PAPOLG: variants seen among roughly 807,000 people sequenced by gnomAD.
PAPOLG encodes the protein poly(A) polymerase gamma, also known as PAP-gamma.
A neutral mutation model predicts 99.0 loss-of-function variants in PAPOLG; 40 were observed. The observed-to-expected ratio is 0.40, with a 90% CI of 0.31 to 0.53. The LOEUF is 0.53. Among genes scored for constraint, PAPOLG ranks in the 20% least tolerant of loss-of-function variants. The pLI is 0.41. For synonymous variants in PAPOLG, 310 were observed against 299.3 expected (o/e 1.04, Z -0.37); for missense variants, 675 against 884.1 (o/e 0.76, Z 3.00).
chr2:60,799,459 A>C lies in PAPOLG; in HGVS notation c.*2299A>C, dbSNP rs11688044. 0.11 allele frequency: 16,911 copies of C among 152,372 alleles called. 911 individuals carry two copies. Among genetic ancestry groups the C allele is most frequent in the Middle Eastern group, 0.14 (42 of 294 alleles). The allele number at this position is 152,372 out of a possible 1,614,324, so 9.4% of individuals were successfully genotyped here. A position where few individuals can be genotyped will look rare whatever the true frequency, so the allele number is the denominator to read the frequency against. ...AGATGGTGGGGTTTGTCAGAAATAAAATATTTTCTATCCTGACCAGTAGGT... is the reference window on the plus strand; with the variant it reads ...AGATGGTGGGGTTTGTCAGAAATAACATATTTTCTATCCTGACCAGTAGGT... On this transcript the variant is annotated 3_prime_UTR_variant, in exon 22 of 22. Transcript: ENST00000238714.
rs187436496 is a variant in PAPOLG, at chr2:60,792,162, G to A, written c.1552G>A (p.Gly518Arg). The A allele has an allele frequency of 2.0e-5, 32 of 1,593,514 alleles. No homozygotes were observed. The highest frequency in any genetic ancestry group is 4.5e-5 in the East Asian group (2 of 44,788). Reference protein sequence around the residue: ...SLSDVNRSSGGLQSKRLSLDS... With the variant: ...SLSDVNRSSGRLQSKRLSLDS... Reference sequence around the variant, plus strand: ...CTCTGATGTCAATCGAAGCTCGGGCGGACTTCAATCCAAAAGATTGTCTCT... The same window carrying A: ...CTCTGATGTCAATCGAAGCTCGGGCAGACTTCAATCCAAAAGATTGTCTCT... Residue 518 changes from glycine (G) to arginine (R), a missense_variant, in exon 17 of 22, where the codon GGA becomes AGA. Coordinates refer to ENST00000238714, the MANE Select transcript of PAPOLG (RefSeq NM_022894.4).
At chr2:60,769,020 T>TCATCACTTATTA in intron 5 of PAPOLG, 130 bp downstream of exon 5, 1 of 699,790 alleles carries the variant, frequency 1.4e-6, no homozygotes, top group Non-Finnish European at 2.3e-6. Context: ...GTAGCTTTAA[T>TCATCACTTATTA]AAGTGATGAT....
At chr2:60,762,442 A>T (rs1670546928) in intron 3 of PAPOLG, among the ~76,000 whole-genome samples, 1 of 152,040 alleles carries the variant, frequency 6.6e-6, no homozygotes, top group Admixed American at 6.6e-5. Flanking sequence ...GGGACCTCCA[A>T]AGATACTAAA....
Position 60,768,769 on chromosome 2 carries a change from T to G in PAPOLG, c.329-12T>G, listed in dbSNP as rs759211898. The G allele has an allele frequency of 2.6e-6, 4 of 1,534,102 alleles. No individual in the cohort carries two copies. In the South Asian group the frequency reaches 3.7e-5, roughly 14 times the overall value. On this transcript the variant is annotated splice_polypyrimidine_tract_variant and intron_variant, in intron 4 of 21. Coordinates refer to ENST00000238714, the MANE Select transcript of PAPOLG (RefSeq NM_022894.4). ...TAATATATTCTTAATTAAGAACTACTTTAATTTACAGGAGCTGACATTGAT... is the reference window on the plus strand; with the variant it reads ...TAATATATTCTTAATTAAGAACTACGTTAATTTACAGGAGCTGACATTGAT...
chr2:60,756,321 T>A lies in PAPOLG; in HGVS notation c.-158T>A. On this transcript the variant is annotated 5_prime_UTR_variant, in exon 1 of 22. Transcript: ENST00000238714. ...AAATAGAGCCGGTTTTGTGGTGTTT[T>A]CACTACTCGGTTGGATGCCTCAGCC... is the stretch of plus-strand genomic sequence containing the variant. 1 of 864,712 alleles carries A rather than the reference T, an allele frequency of 1.2e-6. No homozygotes were observed. The highest frequency in any genetic ancestry group is 1.4e-5 in the South Asian group (1 of 69,796). 53.6% of individuals were successfully genotyped at this position (864,712 alleles called of 1,614,324 possible).
At position 60,798,683 on chromosome 2, in the gene PAPOLG, G is replaced by T. The variant is rs1354979201; in HGVS notation, c.*1523G>T. ...TCGTGTATTATAGGACTCACGGGAT[G>T]CCATCTAGCAAGTGGAGAAATAGCA... On this transcript the variant is annotated 3_prime_UTR_variant, in exon 22 of 22. Coordinates refer to ENST00000238714, the MANE Select transcript of PAPOLG (RefSeq NM_022894.4). 6.6e-6 allele frequency: 1 copy of T among 152,294 alleles called. No individual in the cohort carries two copies. Among genetic ancestry groups the T allele is most frequent in the East Asian group, 1.9e-4 (1 of 5,334 alleles). 9.4% of individuals were successfully genotyped at this position (152,294 alleles called of 1,614,324 possible). A position where few individuals can be genotyped will look rare whatever the true frequency, so the allele number is the denominator to read the frequency against.
At chr2:60,792,357 T>C (rs762877532) in intron 17 of PAPOLG, 68 bp downstream of exon 17, 6 of 1,364,432 alleles carry the variant, frequency 4.4e-6, no homozygotes, top group Non-Finnish European at 6.1e-6. Flanking sequence ...ATGTGAACTT[T>C]TCTATACCTC....
At chr2:60,778,561 T>C (rs1310903261) in intron 8 of PAPOLG, among the ~76,000 whole-genome samples, 1 of 152,124 alleles carries the variant, frequency 6.6e-6, no homozygotes, top group African/African-American at 2.4e-5. Flanking sequence ...ACTCTCAGTA[T>C]ACTAAAAAAC....
chr2:60,772,079 C>G (rs1306796109), intron 7 of PAPOLG, among the ~76,000 whole-genome samples: 1 of 150,692 alleles, frequency 6.6e-6, no homozygotes, highest in East Asian at 1.9e-4. Flanking sequence ...AATATTAGGC[C>G]TGATAGAAGA....
chr2:60,757,343 A>G (rs72805391), intron 1 of PAPOLG, among the ~76,000 whole-genome samples: 24 of 152,294 alleles, frequency 1.6e-4, no homozygotes, highest in Non-Finnish European at 2.9e-4. Flanking sequence ...GGTCCCAATC[A>G]TCTCTTGCTC....
At chr2:60,795,410 T>A in intron 21 of PAPOLG, 1 of 392,202 alleles carries the variant, frequency 2.5e-6, no homozygotes, top group Non-Finnish European at 5.0e-6. Flanking sequence ...TGTATTAATA[T>A]TTTAGAGGAA....
rs919369399 is a variant in PAPOLG at position 60,771,932 on chromosome 2, C to T, written c.604+302C>T. Among the ~76,000 whole-genome samples the T allele has an allele frequency of 1.1e-4, 17 of 151,962 alleles. 1 individual carries two copies. In the South Asian group the frequency reaches 3.5e-3, roughly 32 times the overall value. On this transcript the variant is annotated intron_variant, in intron 7 of 21. Coordinates refer to ENST00000238714, the MANE Select transcript of PAPOLG (RefSeq NM_022894.4). ...GTGGGTTATATCTGTCAATATTTAC[C>T]ATGTTAAAAAATAAAAACTGAGAAA...
intron 21 of PAPOLG, 54 bp downstream of exon 21, chr2:60,795,074 A>G: frequency 2.1e-6 from 3 of 1,438,944 alleles, no homozygotes; most frequent in Non-Finnish European, 9.7e-7. Flanking sequence ...ACTCATAGGT[A>G]ATCTACAAGT....
chr2:60,794,193 TAA>T lies in PAPOLG; in HGVS notation c.1989+4_1989+5del. On this transcript the variant is annotated splice_donor_region_variant and intron_variant, in intron 19 of 21. Transcript: ENST00000238714. ...AAGAGGTTGAAAGACGTAGAAAAGG[TAA>T]AGTTACAACTTTAGTGGTAATTCAG... 6.2e-7 allele frequency: 1 copy of T among 1,610,720 alleles called. No homozygotes were observed. Among genetic ancestry groups the T allele is most frequent in the East Asian group, 2.2e-5 (1 of 44,858 alleles).
At chr2:60,763,597 A>G (rs1354945783) in intron 3 of PAPOLG, among the ~76,000 whole-genome samples, 1 of 151,692 alleles carries the variant, frequency 6.6e-6, no homozygotes, top group Non-Finnish European at 1.5e-5. Context: ...TCTACCTCCC[A>G]GGTTCAAACG....
At chr2:60,781,329 C>G (rs1671183542) in intron 10 of PAPOLG, among the ~76,000 whole-genome samples, 1 of 151,820 alleles carries the variant, frequency 6.6e-6, no homozygotes, top group African/African-American at 2.4e-5. Flanking sequence ...TGCACTCCAG[C>G]CTGGGTGACG....
chr2:60,781,736 A>T, intron 10 of PAPOLG, 149 bp from the exon 11 acceptor site: 1 of 970,288 alleles, frequency 1.0e-6, no homozygotes, highest in Non-Finnish European at 1.5e-6. Flanking sequence ...TTCAGAAATA[A>T]ATGCAGTTGG....
At chr2:60,772,165 C>T (rs953588512) in intron 7 of PAPOLG, among the ~76,000 whole-genome samples, 2 of 151,846 alleles carry the variant, frequency 1.3e-5, no homozygotes, top group African/African-American at 2.4e-5. Context: ...AAAATCTGGC[C>T]GGGCGTGGTG....
chr2:60,791,638 G>A (rs1018036027), intron 15 of PAPOLG, 123 bp from the exon 16 acceptor site: 2 of 1,077,880 alleles, frequency 1.9e-6, no homozygotes, highest in Non-Finnish European at 1.3e-6. Flanking sequence ...AGAGGGTTGT[G>A]GGTGGGTGGG....
Sources: gnomAD v4.1 joint callset for allele counts (sites outside exome capture counted in the v4.1 genomes callset) on GRCh38, gnomAD v4.1.1 for gene constraint, MANE v1.5 for transcripts, NCBI Gene and HGNC (gene_info 2026-07-23, HGNC 2026-07-21) for gene names.